The following KCND2 variants were observed in gnomAD, a reference collection of about 807,000 sequenced individuals.
The protein encoded by KCND2 is potassium voltage-gated channel subfamily D member 2, also known as A-type voltage-gated potassium channel KCND2.
Under a neutral mutation model 54.4 loss-of-function variants are expected in KCND2, and 16 were observed. The ratio of observed to expected loss-of-function variants is 0.29; its 90% CI spans 0.20 to 0.45. The LOEUF is 0.45. Among genes scored for constraint, KCND2 ranks in the 20% least tolerant of loss-of-function variants. The pLI is 1.00. For synonymous variants in KCND2, 317 were observed against 310.7 expected (o/e 1.02, Z -0.21); for missense variants, 486 against 824.2 (o/e 0.59, Z 5.02).
In KCND2 at chr7:120,509,457, A is replaced by G. The variant is rs1803079571; in HGVS notation, c.1116-223446A>G. On this transcript the variant is annotated intron_variant, in intron 1 of 5. Coordinates refer to ENST00000331113, the MANE Select transcript of KCND2 (RefSeq NM_012281.3). ...AAATGAAAAGTGCATTTTAACAAAT[A>G]TTTTATTACATTATCCAGAGATAGA... Among the ~76,000 whole-genome samples, 6 of 152,054 alleles carry G rather than the reference A, an allele frequency of 3.9e-5. No individual in the cohort carries two copies. The South Asian group carries it at 1.2e-3, about 31-fold the overall frequency.
intron 1 of KCND2, among the ~76,000 whole-genome samples, chr7:120,663,234 TAACAAC>T (rs375963981): frequency 2.0e-5 from 3 of 152,050 alleles, no homozygotes; most frequent in African/African-American, 4.8e-5. Flanking sequence ...CTGGTTAGAT[TAACAAC>T]AACAACAACA....
At chr7:120,450,865 C>G (rs1402547246) in intron 1 of KCND2, among the ~76,000 whole-genome samples, 2 of 152,142 alleles carry the variant, frequency 1.3e-5, no homozygotes, top group Non-Finnish European at 2.9e-5. Flanking sequence ...CCTACTCAGC[C>G]TTCCCTTAAA....
At chr7:120,389,517 C>T (rs1801042213) in intron 1 of KCND2, among the ~76,000 whole-genome samples, 1 of 151,544 alleles carries the variant, frequency 6.6e-6, no homozygotes, top group African/African-American at 2.4e-5. Context: ...CCTCCATCTT[C>T]CCATTTCAAT....
rs557921438 is a variant in KCND2, at chr7:120,691,408, G to A, written c.1116-41495G>A. On this transcript the variant is annotated intron_variant, in intron 1 of 5. Transcript: ENST00000331113. The stretch of plus-strand genomic sequence containing the variant: ...CCAAAGGAAATGTAGGGAAGAGATT[G>A]GACAGTAAATATATTTCAGATATTA... Among the ~76,000 whole-genome samples, 4 of 152,186 alleles carry A rather than the reference G, an allele frequency of 2.6e-5. No homozygotes were observed. The East Asian group carries it at 7.7e-4, about 29-fold the overall frequency.
intron 1 of KCND2, among the ~76,000 whole-genome samples, chr7:120,498,160 G>A (rs917874306): frequency 2.6e-5 from 4 of 152,096 alleles, no homozygotes; most frequent in African/African-American, 4.8e-5. Context: ...GGGCCTATTG[G>A]AAAATCATTT....
intron 1 of KCND2, among the ~76,000 whole-genome samples, chr7:120,495,353 T>TA (rs398111788): frequency 3.9e-5 from 6 of 152,048 alleles, no homozygotes; most frequent in Non-Finnish European, 7.4e-5. Context: ...TTTTTTTTTT[T>TA]ACCCCAATTC....
chr7:120,721,798 TC>T (rs1232275318), intron 1 of KCND2, among the ~76,000 whole-genome samples: 1 of 152,134 alleles, frequency 6.6e-6, no homozygotes, highest in Non-Finnish European at 1.5e-5. Context: ...TTTGGCTGTG[TC>T]CCCACCCAAA....
Position 120,274,391 on chromosome 7 carries a change from G to A in KCND2, c.-242G>A. The stretch of plus-strand genomic sequence containing the variant: ...GGAAGAGATTTGGCTGGGTTCTGTT[G>A]AGGGTGATTGTTAGGACGTTGTATT... On this transcript the variant is annotated 5_prime_UTR_variant, in exon 1 of 6. Transcript: ENST00000331113. 1.7e-6 allele frequency: 1 copy of A among 596,894 alleles called. No individual in the cohort carries two copies. Among genetic ancestry groups the A allele is most frequent in the Non-Finnish European group, 3.0e-6 (1 of 333,924 alleles). 37.0% of individuals were successfully genotyped at this position (596,894 alleles called of 1,614,324 possible). A position where few individuals can be genotyped will look rare whatever the true frequency, so the allele number is the denominator to read the frequency against.
At chr7:120,320,606 A>T (rs1799880947) in intron 1 of KCND2, among the ~76,000 whole-genome samples, 1 of 152,168 alleles carries the variant, frequency 6.6e-6, no homozygotes, top group Non-Finnish European at 1.5e-5. Flanking sequence ...CACTTTGGAA[A>T]ATTGATTGAA....
chr7:120,638,622 A>G (rs914483420), intron 1 of KCND2, among the ~76,000 whole-genome samples: 9 of 152,114 alleles, frequency 5.9e-5, no homozygotes, highest in Non-Finnish European at 1.5e-5. Context: ...GTGATTTTCA[A>G]TTTGATGACA....
At chr7:120,652,114 TTG>T (rs1791742737) in intron 1 of KCND2, among the ~76,000 whole-genome samples, 1 of 151,934 alleles carries the variant, frequency 6.6e-6, no homozygotes, top group African/African-American at 2.4e-5. Context: ...TCTTGCTCTG[TTG>T]TGAGGCTGGA....
chr7:120,543,249 G>T (rs1311303419), intron 1 of KCND2, among the ~76,000 whole-genome samples: 1 of 150,748 alleles, frequency 6.6e-6, no homozygotes, highest in Non-Finnish European at 1.5e-5. Flanking sequence ...TTCCTCTCTG[G>T]CTACTTCTGT....
intron 1 of KCND2, among the ~76,000 whole-genome samples, chr7:120,486,885 C>T (rs1183328285): frequency 5.3e-5 from 8 of 151,866 alleles, no homozygotes; most frequent in Non-Finnish European, 1.2e-4. Flanking sequence ...TCAATGTTAG[C>T]TTTCAATCCC....
chr7:120,340,011 A>G (rs1423926992), intron 1 of KCND2, among the ~76,000 whole-genome samples: 1 of 152,204 alleles, frequency 6.6e-6, no homozygotes, highest in Non-Finnish European at 1.5e-5. Context: ...TAGGTCAGAA[A>G]GGGAGTGGAG....
chr7:120,630,859 T>C (rs1055334041), intron 1 of KCND2, among the ~76,000 whole-genome samples: 2 of 152,212 alleles, frequency 1.3e-5, no homozygotes, highest in African/African-American at 4.8e-5. Flanking sequence ...ACTACAACAG[T>C]ATTTTAAAGA....
At chr7:120,384,119 T>C (rs966411097) in intron 1 of KCND2, among the ~76,000 whole-genome samples, 1 of 152,110 alleles carries the variant, frequency 6.6e-6, no homozygotes, top group Non-Finnish European at 1.5e-5. Context: ...ATATTATACC[T>C]AATGCAAGGT....
chr7:120,314,643 C>T (rs950460397), intron 1 of KCND2, among the ~76,000 whole-genome samples: 2 of 151,990 alleles, frequency 1.3e-5, no homozygotes, highest in Admixed American at 6.6e-5. Flanking sequence ...CCCGTATAAG[C>T]GATGGATCTG....
intron 1 of KCND2, among the ~76,000 whole-genome samples, chr7:120,345,471 T>G (rs73431939): frequency 0.011 from 1,704 of 152,322 alleles, 37 homozygotes; most frequent in African/African-American, 0.039. Context: ...TTCACATTGA[T>G]GTGCAACCGA....
chr7:120,292,379 T>C (rs552674370), intron 1 of KCND2, among the ~76,000 whole-genome samples: 1 of 152,056 alleles, frequency 6.6e-6, no homozygotes, highest in South Asian at 2.1e-4. Context: ...TAGTGGCAAG[T>C]CATTATATTC....
Sources: gnomAD v4.1 joint callset for allele counts (sites outside exome capture counted in the v4.1 genomes callset) on GRCh38, gnomAD v4.1.1 for gene constraint, MANE v1.5 for transcripts, NCBI Gene and HGNC (gene_info 2026-07-23, HGNC 2026-07-21) for gene names.